PRKCB: variants seen among roughly 807,000 people sequenced by gnomAD.
PRKCB encodes the protein protein kinase C beta type.
In PRKCB, 13 loss-of-function variants were observed where a neutral mutation model predicts 81.5. That is an observed-to-expected ratio of 0.16 (90% CI 0.10 to 0.25). The LOEUF (loss-of-function observed/expected upper bound fraction) is 0.25. PRKCB is among the 10% of genes least tolerant of loss of function. PRKCB has a pLI of 1.00. For missense variants in PRKCB, 509 were observed against 875.7 expected (o/e 0.58, Z 5.29); for synonymous variants, 335 against 321.4 (o/e 1.04, Z -0.45).
intron 9 of PRKCB, among the ~76,000 whole-genome samples, chr16:24,129,153 A>C (rs1412823969): frequency 6.6e-6 from 1 of 152,214 alleles, no homozygotes; most frequent in East Asian, 1.9e-4. Flanking sequence ...CTGAGATTTC[A>C]TATGTGCTCA....
At position 24,216,233 on chromosome 16, in the gene PRKCB, G is replaced by A; in HGVS notation, c.*1417G>A. On this transcript the variant is annotated 3_prime_UTR_variant, in exon 17 of 17. Coordinates refer to ENST00000643927, the MANE Select transcript of PRKCB (RefSeq NM_002738.7). ...CCTGGCCAGAGCCAACGAGGATACT[G>A]GAGCCCAAAGTCAAGTTTAGAGACC... The A allele has an allele frequency of 1.0e-6, 1 of 985,414 alleles. No homozygotes were observed. Among genetic ancestry groups the A allele is most frequent in the Non-Finnish European group, 1.2e-6 (1 of 829,934 alleles). The allele number at this position is 985,414 out of a possible 1,614,324, so 61.0% of individuals were successfully genotyped here.
At chr16:24,013,542 C>T (rs1029311077) in intron 3 of PRKCB, among the ~76,000 whole-genome samples, 2 of 152,092 alleles carry the variant, frequency 1.3e-5, no homozygotes, top group South Asian at 2.1e-4. Context: ...ATATGTAAGG[C>T]GCTTGGAACA....
intron 9 of PRKCB, among the ~76,000 whole-genome samples, chr16:24,149,513 C>T (rs7205371): frequency 0.024 from 3,618 of 152,294 alleles, 154 homozygotes; most frequent in African/African-American, 0.081. Context: ...TACCTACTGA[C>T]ATCTCCTAGC....
intron 5 of PRKCB, among the ~76,000 whole-genome samples, chr16:24,037,240 C>T (rs898294155): frequency 7.9e-5 from 12 of 152,172 alleles, no homozygotes; most frequent in African/African-American, 2.7e-4. Flanking sequence ...CCGCCCATCT[C>T]GGCCTCCCAA....
At chr16:23,996,691 C>G (rs1567338602) in intron 3 of PRKCB, among the ~76,000 whole-genome samples, 1 of 152,212 alleles carries the variant, frequency 6.6e-6, no homozygotes, top group Non-Finnish European at 1.5e-5. Flanking sequence ...TGTGTCTGAT[C>G]AAAGAAATCA....
intron 9 of PRKCB, among the ~76,000 whole-genome samples, chr16:24,145,522 CT>C (rs1451652601): frequency 6.6e-6 from 1 of 152,200 alleles, no homozygotes; most frequent in Admixed American, 6.5e-5. Context: ...ATCAAGGTGG[CT>C]CAGATCAGCA....
intron 10 of PRKCB, among the ~76,000 whole-genome samples, chr16:24,165,862 A>G (rs1237765941): frequency 7.3e-6 from 1 of 136,668 alleles, no homozygotes; most frequent in Admixed American, 7.3e-5. Context: ...CTTAGTAAAG[A>G]TTTTTTTCTT....
chr16:24,005,194 C>T (rs1353226347), intron 3 of PRKCB, among the ~76,000 whole-genome samples: 2 of 149,906 alleles, frequency 1.3e-5, no homozygotes, highest in Non-Finnish European at 3.0e-5. Flanking sequence ...ATGCCATTGG[C>T]CTGGAAATGC....
chr16:23,927,691 A>G (rs974801202), intron 2 of PRKCB, among the ~76,000 whole-genome samples: 2 of 151,944 alleles, frequency 1.3e-5, no homozygotes, highest in Non-Finnish European at 2.9e-5. Flanking sequence ...AGGGGGTGTT[A>G]TTGAGAGAAC....
chr16:24,063,138 G>A (rs895457928), intron 5 of PRKCB, among the ~76,000 whole-genome samples: 9 of 151,864 alleles, frequency 5.9e-5, no homozygotes, highest in African/African-American at 9.7e-5. Context: ...CAGGCCTAGG[G>A]GTAGCAATGA....
Position 24,219,079 on chromosome 16 carries a change from G to A in PRKCB, c.*4263G>A. Reference sequence around the variant, plus strand: ...AGAGGCTTGCAAGGACCCTGAAGAGGTCGGAGCATCATACAGATTCCTTTA... The same window carrying A: ...AGAGGCTTGCAAGGACCCTGAAGAGATCGGAGCATCATACAGATTCCTTTA... On this transcript the variant is annotated 3_prime_UTR_variant, in exon 17 of 17. Coordinates refer to ENST00000643927, the MANE Select transcript of PRKCB (RefSeq NM_002738.7). The A allele has an allele frequency of 6.1e-6, 6 of 985,400 alleles. No individual in the cohort carries two copies. Among genetic ancestry groups the A allele is most frequent in the Non-Finnish European group, 6.0e-6 (5 of 829,978 alleles). The allele number at this position is 985,400 out of a possible 1,614,324, so 61.0% of individuals were successfully genotyped here.
intron 7 of PRKCB, among the ~76,000 whole-genome samples, chr16:24,105,026 G>A (rs1331083863): frequency 1.3e-5 from 2 of 150,838 alleles, no homozygotes; most frequent in Non-Finnish European, 2.9e-5. Flanking sequence ...AAGTCCTTTG[G>A]TCTTGTGTAA....
chr16:24,153,229 G>T (rs1352179683), intron 9 of PRKCB, among the ~76,000 whole-genome samples: 1 of 152,142 alleles, frequency 6.6e-6, no homozygotes, highest in East Asian at 1.9e-4. Context: ...GTTGAGTGTA[G>T]CATCTAATTT....
chr16:23,995,443 A>G (rs1964942737), intron 3 of PRKCB, among the ~76,000 whole-genome samples: 1 of 152,200 alleles, frequency 6.6e-6, no homozygotes, highest in African/African-American at 2.4e-5. Context: ...ATTGAAGCAC[A>G]AGTATTTAAG....
rs891409091 is a variant in PRKCB, at chr16:23,971,745, C to T, written c.206-16763C>T. On this transcript the variant is annotated intron_variant, in intron 2 of 16. Coordinates refer to ENST00000643927, the MANE Select transcript of PRKCB (RefSeq NM_002738.7). ...GCTTTAGGTGCAGAACAGTTTTCCA[C>T]AGTTAAATGTCTTTAATTGAACATC... Among the ~76,000 whole-genome samples, 3 of 152,122 alleles carry T rather than the reference C, an allele frequency of 2.0e-5. No homozygotes were observed. In the East Asian group the frequency reaches 5.8e-4, roughly 29 times the overall value.
At chr16:23,979,680 T>C (rs1157921762) in intron 2 of PRKCB, among the ~76,000 whole-genome samples, 1 of 152,006 alleles carries the variant, frequency 6.6e-6, no homozygotes, top group East Asian at 1.9e-4. Context: ...CCTGGAACAG[T>C]GAGATGAATG....
intron 8 of PRKCB, among the ~76,000 whole-genome samples, chr16:24,120,578 A>G (rs1348860606): frequency 6.6e-6 from 1 of 152,124 alleles, no homozygotes; most frequent in Non-Finnish European, 1.5e-5. Flanking sequence ...CAGTGGAAAC[A>G]ACCAGCATCC....
rs548306855 is a variant in PRKCB, at chr16:24,076,986, C to T, written c.530-15805C>T. Among the ~76,000 whole-genome samples, 10 of 152,326 alleles carry T rather than the reference C, an allele frequency of 6.6e-5. No individual in the cohort carries two copies. The South Asian group carries it at 2.1e-3, about 32-fold the overall frequency. ...TGCTGGAAAATAGCTGCAGCTCTCTCCTGAGGCAGCTCTTCCCACAGTCCC... is the reference window on the plus strand; with the variant it reads ...TGCTGGAAAATAGCTGCAGCTCTCTTCTGAGGCAGCTCTTCCCACAGTCCC... On this transcript the variant is annotated intron_variant, in intron 5 of 16. Coordinates refer to ENST00000643927, the MANE Select transcript of PRKCB (RefSeq NM_002738.7).
intron 13 of PRKCB, among the ~76,000 whole-genome samples, chr16:24,182,664 G>A (rs1328256476): frequency 6.6e-6 from 1 of 152,188 alleles, no homozygotes; most frequent in Non-Finnish European, 1.5e-5. Flanking sequence ...TGCCGAAGGT[G>A]ATGTGGTTAG....
Sources: allele counts gnomAD v4.1 joint callset (sites outside exome capture counted in the v4.1 genomes callset), GRCh38; gene constraint gnomAD v4.1.1; transcripts MANE v1.5; gene names NCBI Gene and HGNC (gene_info 2026-07-23, HGNC 2026-07-21).